ARF1: variants seen among roughly 807,000 people sequenced by gnomAD.
ARF1 encodes the protein ARF GTPase 1.
Under a neutral mutation model 18.0 loss-of-function variants are expected in ARF1, and 1 was observed. The ratio of observed to expected loss-of-function variants is 0.06; its 90% CI spans 0.02 to 0.26. The LOEUF (loss-of-function observed/expected upper bound fraction) is 0.26, where lower values mean the gene tolerates loss of function less well. Ranked by LOEUF, ARF1 falls within the 10% of genes least tolerant of loss-of-function variation. The pLI is 1.00. For missense variants in ARF1, 73 were observed against 247.2 expected (o/e 0.30, Z 4.73); for synonymous variants, 112 against 96.3 (o/e 1.16, Z -0.95).
intron 1 of ARF1, among the ~76,000 whole-genome samples, chr1:228,093,649 G>T (rs553451375): frequency 6.6e-6 from 1 of 150,660 alleles, no homozygotes; most frequent in Admixed American, 6.6e-5. Context: ...AAATCCGGGC[G>T]TGGTGGCTCA....
At chr1:228,091,516 G>T (rs1429901274) in intron 1 of ARF1, among the ~76,000 whole-genome samples, 1 of 152,170 alleles carries the variant, frequency 6.6e-6, no homozygotes, top group Admixed American at 6.5e-5. Context: ...TCTAGAATGT[G>T]TGTGCCATCC....
rs1803042 is a variant in ARF1, at chr1:228,098,340, G to A, written c.*327G>A. 1 of 214,058 alleles carries A rather than the reference G, an allele frequency of 4.7e-6. No homozygotes were observed. Among genetic ancestry groups the A allele is most frequent in the Non-Finnish European group, 9.2e-6 (1 of 108,924 alleles). 13.3% of individuals were successfully genotyped at this position (214,058 alleles called of 1,614,324 possible). A position where few individuals can be genotyped will look rare whatever the true frequency, so the allele number is the denominator to read the frequency against. ...TGGCCTCCAGGAGTCGCTGTGTTGG[G>A]AGAGCCGGCCACGCCCTTGGCTTTA... is the stretch of plus-strand genomic sequence containing the variant. On this transcript the variant is annotated 3_prime_UTR_variant, in exon 5 of 5. Coordinates refer to ENST00000272102, the MANE Select transcript of ARF1 (RefSeq NM_001658.4).
intron 1 of ARF1, among the ~76,000 whole-genome samples, chr1:228,095,418 G>A (rs1041648684): frequency 3.3e-5 from 5 of 152,216 alleles, no homozygotes; most frequent in Non-Finnish European, 7.3e-5. Context: ...CCCTGCTGCA[G>A]CTGCTCCCCT....
At chr1:228,083,102 C>G (rs904395609) in intron 1 of ARF1, 2 of 152,494 alleles carry the variant, frequency 1.3e-5, no homozygotes, top group Admixed American at 6.5e-5. Flanking sequence ...TCCAGGAAAC[C>G]TGGGCTTCCT....
chr1:228,094,937 T>C (rs932111390), intron 1 of ARF1, among the ~76,000 whole-genome samples: 1 of 152,188 alleles, frequency 6.6e-6, no homozygotes, highest in Non-Finnish European at 1.5e-5. Flanking sequence ...TTCAGCCCTT[T>C]GAGGCCGAAG....
At position 228,092,974 on chromosome 1, in the gene ARF1, G is replaced by C. The variant is rs188514091; in HGVS notation, c.-37-4104G>C. On this transcript the variant is annotated intron_variant, in intron 1 of 4. Coordinates refer to ENST00000272102, the MANE Select transcript of ARF1 (RefSeq NM_001658.4). The stretch of plus-strand genomic sequence containing the variant: ...TGAAGGCCACCTTTACCATTGGTCT[G>C]TGGTCCTCACTGAAGAAAGAAACAT... Among the ~76,000 whole-genome samples the C allele has an allele frequency of 1.7e-3, 266 of 152,298 alleles. 1 individual carries two copies. Among genetic ancestry groups the C allele is most frequent in the Non-Finnish European group, 2.9e-3 (196 of 68,034 alleles).
chr1:228,096,265 C>T (rs2032742861), intron 1 of ARF1, among the ~76,000 whole-genome samples: 1 of 152,270 alleles, frequency 6.6e-6, no homozygotes, highest in African/African-American at 2.4e-5. Flanking sequence ...CTGGCATGTC[C>T]TCTTGAAGGC....
chr1:228,085,434 C>G (rs2032362762), intron 1 of ARF1, among the ~76,000 whole-genome samples: 1 of 152,248 alleles, frequency 6.6e-6, no homozygotes, highest in Non-Finnish European at 1.5e-5. Flanking sequence ...CCTGGATGCT[C>G]TTTGTTCCCA....
chr1:228,083,209 C>A (rs1312950271), intron 1 of ARF1: 1 of 152,206 alleles, frequency 6.6e-6, no homozygotes, highest in Admixed American at 6.5e-5. Context: ...CGTGGGGCCT[C>A]CCCCACCCGA....
intron 1 of ARF1, among the ~76,000 whole-genome samples, chr1:228,093,757 C>G (rs987087895): frequency 6.6e-6 from 1 of 151,790 alleles, no homozygotes; most frequent in East Asian, 1.9e-4. Context: ...AACCCCGTCT[C>G]TACTAAAAAT....
intron 1 of ARF1, among the ~76,000 whole-genome samples, chr1:228,092,494 C>T (rs531464979): frequency 1.6e-4 from 24 of 152,320 alleles, no homozygotes; most frequent in Middle Eastern, 3.4e-3. Flanking sequence ...AAGCAGAGCA[C>T]ATCATGTGAG....
chr1:228,086,076 G>A (rs1024410965), intron 1 of ARF1, among the ~76,000 whole-genome samples: 1 of 152,098 alleles, frequency 6.6e-6, no homozygotes, highest in African/African-American at 2.4e-5. Flanking sequence ...AGATTGAGCT[G>A]GTCACCAATA....
At chr1:228,083,460 C>T (rs925837038) in intron 1 of ARF1, 20 of 152,318 alleles carry the variant, frequency 1.3e-4, no homozygotes, top group Non-Finnish European at 2.5e-4. Context: ...AATGCGTGGA[C>T]CTCCGGGGGA....
chr1:228,096,162 GGACA>G (rs1444092536), intron 1 of ARF1, among the ~76,000 whole-genome samples: 1 of 152,192 alleles, frequency 6.6e-6, no homozygotes, highest in Non-Finnish European at 1.5e-5. Context: ...AGTCACCAGC[GGACA>G]GTCATGGCTG....
intron 1 of ARF1, among the ~76,000 whole-genome samples, chr1:228,090,072 A>G (rs1245635715): frequency 6.6e-6 from 1 of 152,248 alleles, no homozygotes; most frequent in East Asian, 1.9e-4. Flanking sequence ...TGTGAGGTAC[A>G]GGGGAACGCA....
Position 228,097,905 on chromosome 1 carries a change from C to G in ARF1, c.438C>G (p.His146Gln). 1 of 1,614,194 alleles carries G rather than the reference C, an allele frequency of 6.2e-7. No individual in the cohort carries two copies. The highest frequency in any genetic ancestry group is 8.5e-7 in the Non-Finnish European group (1 of 1,180,020). Residue 146 changes from histidine (H) to glutamine (Q), a missense_variant, in exon 5 of 5, where the codon CAC becomes CAG. Around this residue, in one of 3 missense-constraint regions of ARF1, gnomAD observed 48 missense variants for 144.7 expected, o/e 0.33. Transcript: ENST00000272102. This position sits in a 1 kb window ranked among gnomAD's most constrained non-coding sequence, Gnocchi z 8.1. ...AAEITDKLGLHSLRHRNWYIQ... is the reference protein window; with the variant it reads ...AAEITDKLGLQSLRHRNWYIQ... Reference sequence around the variant, plus strand: ...AGATCACAGACAAGCTGGGGCTGCACTCACTACGCCACAGGAACTGGTACA... The same window carrying G: ...AGATCACAGACAAGCTGGGGCTGCAGTCACTACGCCACAGGAACTGGTACA...
rs369759823 is a variant in ARF1, at chr1:228,082,875, C to CGCG, written c.-38+123_-38+125dup. ...GGTTCGCGAAGGGCACGTCGACCCC[C>CGCG]GCGGCGGCGGCGGCGACAGGGCCGG... On this transcript the variant is annotated intron_variant, in intron 1 of 4. Coordinates refer to ENST00000272102, the MANE Select transcript of ARF1 (RefSeq NM_001658.4). This position sits in a 1 kb window ranked among gnomAD's most constrained non-coding sequence, Gnocchi z 6.1. 4.6e-5 allele frequency: 7 copies of CGCG among 152,312 alleles called. No homozygotes were observed. Among genetic ancestry groups the CGCG allele is most frequent in the Admixed American group, 1.3e-4 (2 of 15,206 alleles). The allele number at this position is 152,312 out of a possible 1,614,324, so 9.4% of individuals were successfully genotyped here. A position where few individuals can be genotyped will look rare whatever the true frequency, so the allele number is the denominator to read the frequency against.
At chr1:228,094,130 T>G (rs1368864393) in intron 1 of ARF1, among the ~76,000 whole-genome samples, 1 of 151,982 alleles carries the variant, frequency 6.6e-6, no homozygotes, top group Non-Finnish European at 1.5e-5. Context: ...TCGAGGGGGT[T>G]GGTGACGGTG....
At chr1:228,090,398 G>A (rs1390866867) in intron 1 of ARF1, 3 of 152,274 alleles carry the variant, frequency 2.0e-5, no homozygotes, top group Non-Finnish European at 4.4e-5. Flanking sequence ...TGGCCCTGGG[G>A]ACGGGGCTGG....
Sources: allele counts gnomAD v4.1 joint callset (sites outside exome capture counted in the v4.1 genomes callset), GRCh38; gene constraint gnomAD v4.1.1; regional missense constraint gnomAD v4.1.1; non-coding constraint Gnocchi (gnomAD v3.1); transcripts MANE v1.5; gene names NCBI Gene and HGNC (gene_info 2026-07-23, HGNC 2026-07-21).